The following ARIH1 variants were observed in gnomAD, a reference collection of about 807,000 sequenced individuals.
ARIH1 encodes the protein ariadne RBR E3 ubiquitin protein ligase 1.
Under a neutral mutation model 85.0 loss-of-function variants are expected in ARIH1, and 8 were observed. The observed-to-expected ratio is 0.09, with a 90% CI of 0.06 to 0.17. The LOEUF (loss-of-function observed/expected upper bound fraction) is 0.17. Ranked by LOEUF, ARIH1 falls within the 10% of genes least tolerant of loss-of-function variation. The probability of loss-of-function intolerance (pLI) is 1.00; values close to 1 mark genes in which losing one functional copy is unlikely to be tolerated. For synonymous variants in ARIH1, 238 were observed against 253.6 expected, an observed-to-expected ratio of 0.94 and a Z score of 0.59; for missense variants, 311 against 718.1, an observed-to-expected ratio of 0.43 and a Z score of 6.48.
At chr15:72,579,084 T>C (rs2064284610) in intron 11 of ARIH1, among the ~76,000 whole-genome samples, 1 of 152,152 alleles carries the variant, frequency 6.6e-6, no homozygotes, top group South Asian at 2.1e-4. Context: ...ACACCCAGCC[T>C]ATCTTAAATT....
At chr15:72,581,531 T>G (rs1410382532) in intron 12 of ARIH1, 1 of 157,418 alleles carries the variant, frequency 6.4e-6, no homozygotes, top group African/African-American at 2.4e-5. Context: ...AAAGGTTTTC[T>G]CAAGTAAAGA....
intron 1 of ARIH1, among the ~76,000 whole-genome samples, chr15:72,491,662 A>G (rs1227325931): frequency 6.6e-6 from 1 of 152,208 alleles, no homozygotes; most frequent in Non-Finnish European, 1.5e-5. Flanking sequence ...AAATTCACTG[A>G]ATTAACCCTT....
intron 2 of ARIH1, among the ~76,000 whole-genome samples, chr15:72,540,795 C>T (rs149489886): frequency 1.3e-5 from 2 of 152,196 alleles, no homozygotes; most frequent in Admixed American, 1.3e-4. Flanking sequence ...TGAAAAACTG[C>T]TGTGCACCAG....
chr15:72,516,974 G>A (rs1315147359), intron 1 of ARIH1, among the ~76,000 whole-genome samples: 1 of 152,122 alleles, frequency 6.6e-6, no homozygotes, highest in East Asian at 1.9e-4. Context: ...AATGAGTCAG[G>A]CCTTGCTGAC....
chr15:72,481,206 A>G (rs1457933861), intron 1 of ARIH1, among the ~76,000 whole-genome samples: 1 of 152,172 alleles, frequency 6.6e-6, no homozygotes, highest in Non-Finnish European at 1.5e-5. Flanking sequence ...GACTTGTTGA[A>G]TTGCTATGGC....
intron 1 of ARIH1, among the ~76,000 whole-genome samples, chr15:72,508,720 GTC>G (rs1401459010): frequency 6.8e-6 from 1 of 146,500 alleles, no homozygotes; most frequent in Admixed American, 6.8e-5. Context: ...TTGAGACGGA[GTC>G]TCTCTCTATC....
rs1286663543 is a variant in ARIH1 at position 72,591,566 on chromosome 15, A to G, written c.*8274A>G. 2.0e-5 allele frequency: 3 copies of G among 152,172 alleles called. No homozygotes were observed. The highest frequency in any genetic ancestry group is 1.3e-4 in the Admixed American group (2 of 15,276). 9.4% of individuals were successfully genotyped at this position (152,172 alleles called of 1,614,324 possible). A position where few individuals can be genotyped will look rare whatever the true frequency, so the allele number is the denominator to read the frequency against. On this transcript the variant is annotated 3_prime_UTR_variant, in exon 14 of 14. Transcript: ENST00000379887. ...CTTAGGGATCCTATCCAAAAACACC[A>G]TTACTTGAATTTCCCAGCTTCCTTT...
intron 2 of ARIH1, among the ~76,000 whole-genome samples, chr15:72,524,562 C>A (rs1210832184): frequency 2.0e-5 from 3 of 152,116 alleles, no homozygotes; most frequent in African/African-American, 7.2e-5. Flanking sequence ...CCTAAATTGT[C>A]CCTCAAGAAG....
At chr15:72,495,245 A>G (rs1284674502) in intron 1 of ARIH1, among the ~76,000 whole-genome samples, 1 of 152,194 alleles carries the variant, frequency 6.6e-6, no homozygotes, top group Non-Finnish European at 1.5e-5. Context: ...ACTGCTAATG[A>G]GTATAGGGTT....
At chr15:72,550,682 A>AT (rs753193104) in intron 3 of ARIH1, among the ~76,000 whole-genome samples, 11 of 151,380 alleles carry the variant, frequency 7.3e-5, no homozygotes, top group East Asian at 1.9e-4. Context: ...ATATATATAT[A>AT]TTTTAATGAG....
intron 2 of ARIH1, among the ~76,000 whole-genome samples, chr15:72,524,032 C>T (rs1335611539): frequency 2.7e-5 from 4 of 146,356 alleles, no homozygotes; most frequent in African/African-American, 5.1e-5. Context: ...CTGTAAGCTC[C>T]GCCTCCCGGG....
rs1595867215 is a variant in ARIH1 at position 72,549,052 on chromosome 15, A to C, written c.588+4088A>C. Among the ~76,000 whole-genome samples the C allele has an allele frequency of 3.3e-5, 5 of 151,432 alleles. 1 individual carries two copies. The South Asian group carries it at 1.0e-3, about 32-fold the overall frequency. ...AGCTGTACTGGCCCACCACTGTGCTAGGAAATGTAGCTTCGACTACAGCGT... is the reference window on the plus strand; with the variant it reads ...AGCTGTACTGGCCCACCACTGTGCTCGGAAATGTAGCTTCGACTACAGCGT... On this transcript the variant is annotated intron_variant, in intron 3 of 13. Coordinates refer to ENST00000379887, the MANE Select transcript of ARIH1 (RefSeq NM_005744.5).
intron 1 of ARIH1, among the ~76,000 whole-genome samples, chr15:72,480,647 C>T (rs1418595377): frequency 2.0e-5 from 3 of 152,112 alleles, no homozygotes; most frequent in Non-Finnish European, 4.4e-5. Flanking sequence ...TCACTGCAAC[C>T]TCTGCCTCCC....
chr15:72,500,374 T>G, intron 1 of ARIH1, among the ~76,000 whole-genome samples: 1 of 152,186 alleles, frequency 6.6e-6, no homozygotes, highest in East Asian at 1.9e-4. Flanking sequence ...ATTACAGGTG[T>G]GAGCCACTTT....
chr15:72,575,815 A>G (rs918557936), intron 11 of ARIH1, among the ~76,000 whole-genome samples: 4 of 152,170 alleles, frequency 2.6e-5, no homozygotes, highest in Non-Finnish European at 5.9e-5. Context: ...TTTCCTGTTC[A>G]TAAGCATTGG....
At chr15:72,489,462 T>C (rs922750065) in intron 1 of ARIH1, among the ~76,000 whole-genome samples, 5 of 152,160 alleles carry the variant, frequency 3.3e-5, no homozygotes, top group Admixed American at 2.6e-4. Context: ...AGTATGCTAG[T>C]AGTCATTGTG....
At chr15:72,564,096 T>C (rs565218841) in intron 7 of ARIH1, among the ~76,000 whole-genome samples, 4 of 152,306 alleles carry the variant, frequency 2.6e-5, no homozygotes, top group Non-Finnish European at 5.9e-5. Flanking sequence ...AGGCTGAAAA[T>C]TTTTCAAATT....
intron 1 of ARIH1, among the ~76,000 whole-genome samples, chr15:72,511,595 G>A (rs1346894359): frequency 1.3e-5 from 2 of 152,130 alleles, no homozygotes; most frequent in Admixed American, 6.6e-5. Flanking sequence ...ATGAACCACC[G>A]TGCCTGGCCC....
intron 1 of ARIH1, among the ~76,000 whole-genome samples, chr15:72,476,925 A>G (rs1341177586): frequency 6.6e-6 from 1 of 152,194 alleles, no homozygotes; most frequent in Non-Finnish European, 1.5e-5. Flanking sequence ...ATGATTATAG[A>G]TCTGAACTAA....
Sources: gnomAD v4.1 joint callset for allele counts (sites outside exome capture counted in the v4.1 genomes callset) on GRCh38, gnomAD v4.1.1 for gene constraint, MANE v1.5 for transcripts, NCBI Gene and HGNC (gene_info 2026-07-23, HGNC 2026-07-21) for gene names.